ROBO2: variants seen among roughly 807,000 people sequenced by gnomAD.
ROBO2 encodes the protein roundabout guidance receptor 2.
In ROBO2, 53 loss-of-function variants were observed where a neutral mutation model predicts 160.8. That is an observed-to-expected ratio of 0.33 (90% CI 0.26 to 0.41). The LOEUF is 0.41. ROBO2 is among the 10% of genes least tolerant of loss of function. The pLI is 1.00. For synonymous variants in ROBO2, 664 were observed against 611.7 expected (o/e 1.09, Z -1.26); for missense variants, 1,577 against 1,722.4 (o/e 0.92, Z 1.49).
chr3:77,587,055 A>G (rs2094070047), intron 16 of ROBO2, among the ~76,000 whole-genome samples: 1 of 152,072 alleles, frequency 6.6e-6, no homozygotes, highest in Non-Finnish European at 1.5e-5. Context: ...TTAACAAAAT[A>G]AAATTTTATT....
At chr3:76,834,678 T>C (rs1280868280) in intron 2 of ROBO2, among the ~76,000 whole-genome samples, 2 of 152,158 alleles carry the variant, frequency 1.3e-5, no homozygotes, top group Non-Finnish European at 2.9e-5. Context: ...ATTTTTAAAT[T>C]TTTTTGTAGA....
intron 2 of ROBO2, among the ~76,000 whole-genome samples, chr3:76,129,369 A>G (rs952373668): frequency 1.3e-5 from 2 of 152,172 alleles, no homozygotes; most frequent in African/African-American, 2.4e-5. Context: ...CATACTCAAA[A>G]TAAATGTGTT....
intron 2 of ROBO2, among the ~76,000 whole-genome samples, chr3:76,460,400 G>A (rs1163081265): frequency 2.0e-5 from 3 of 152,158 alleles, no homozygotes; most frequent in Non-Finnish European, 2.9e-5. Context: ...TGGAGGCTGG[G>A]CATGGTGACT....
chr3:76,238,253 T>C (rs796982982), intron 2 of ROBO2, among the ~76,000 whole-genome samples: 3 of 152,232 alleles, frequency 2.0e-5, no homozygotes, highest in African/African-American at 7.2e-5. Context: ...TTTAATTGAC[T>C]CACAGTTGAC....
At chr3:77,025,006 G>T (rs1043629852) in intron 2 of ROBO2, among the ~76,000 whole-genome samples, 8 of 150,982 alleles carry the variant, frequency 5.3e-5, no homozygotes, top group Non-Finnish European at 1.0e-4. Flanking sequence ...AGGACAGAAG[G>T]TCTGTTCTTT....
chr3:77,193,103 A>G lies in ROBO2; in HGVS notation c.388+94763A>G, dbSNP rs760649588. Among the ~76,000 whole-genome samples the G allele has an allele frequency of 8.5e-5, 13 of 152,116 alleles. 1 individual carries two copies. In the South Asian group the frequency reaches 2.7e-3, roughly 31 times the overall value. ...TATATATTTAGTTTTTTAATGTGGT[A>G]GGAAAATCAAAGCCAGAGGGAGTAG... On this transcript the variant is annotated intron_variant, in intron 2 of 25. Coordinates refer to ENST00000461745, the Ensembl canonical transcript of ROBO2.
At chr3:77,056,456 GT>G (rs201837028) in intron 1 of ROBO2, among the ~76,000 whole-genome samples, 3 of 151,732 alleles carry the variant, frequency 2.0e-5, no homozygotes, top group African/African-American at 7.3e-5. Context: ...TTCATGCAGT[GT>G]TTTTTTTACT....
intron 2 of ROBO2, among the ~76,000 whole-genome samples, chr3:77,187,961 C>T (rs764438817): frequency 1.5e-4 from 23 of 151,650 alleles, no homozygotes; most frequent in South Asian, 4.2e-4. Context: ...TCTAAATGTA[C>T]GCTATAAATA....
At chr3:77,334,691 C>G (rs1298206189) in intron 2 of ROBO2, among the ~76,000 whole-genome samples, 1 of 151,912 alleles carries the variant, frequency 6.6e-6, no homozygotes, top group Non-Finnish European at 1.5e-5. Context: ...CAGATACTTT[C>G]AAGACTGACA....
At chr3:77,387,864 G>A (rs2074297539) in intron 2 of ROBO2, among the ~76,000 whole-genome samples, 1 of 151,982 alleles carries the variant, frequency 6.6e-6, no homozygotes, top group African/African-American at 2.4e-5. Flanking sequence ...CAGTAATGTG[G>A]CCATACCATT....
chr3:77,113,524 A>G (rs1440834857), intron 2 of ROBO2, among the ~76,000 whole-genome samples: 1 of 152,210 alleles, frequency 6.6e-6, no homozygotes, highest in Non-Finnish European at 1.5e-5. Context: ...CTTTCCTGAC[A>G]CATTATAAGG....
At chr3:77,476,371 T>A (rs887806001) in intron 2 of ROBO2, among the ~76,000 whole-genome samples, 3 of 26,658 alleles carry the variant, frequency 1.1e-4, no homozygotes, top group Non-Finnish European at 2.1e-4. Context: ...TGTGGGTATG[T>A]GTGTGTGTGT....
chr3:77,462,864 T>C (rs550229197), intron 2 of ROBO2, among the ~76,000 whole-genome samples: 13 of 152,320 alleles, frequency 8.5e-5, no homozygotes, highest in African/African-American at 3.1e-4. Context: ...ATGTTTCTTT[T>C]CCTTTTCTAA....
At chr3:76,764,860 A>G (rs1576491271) in intron 2 of ROBO2, among the ~76,000 whole-genome samples, 1 of 151,622 alleles carries the variant, frequency 6.6e-6, no homozygotes, top group Non-Finnish European at 1.5e-5. Context: ...CTATGCATAT[A>G]TATTTTGCCT....
At chr3:77,600,671 A>G (rs1423679316) in intron 19 of ROBO2, among the ~76,000 whole-genome samples, 1 of 152,212 alleles carries the variant, frequency 6.6e-6, no homozygotes, top group Non-Finnish European at 1.5e-5. Flanking sequence ...TAGAAGCGGC[A>G]GAAACAAAAG....
chr3:76,110,858 TA>T (rs1272277933), intron 2 of ROBO2, among the ~76,000 whole-genome samples: 1 of 152,144 alleles, frequency 6.6e-6, no homozygotes, highest in Non-Finnish European at 1.5e-5. Flanking sequence ...ATCATAAAAA[TA>T]CTGTGCTTAA....
intron 16 of ROBO2, among the ~76,000 whole-genome samples, chr3:77,583,136 C>T (rs1168612401): frequency 9.9e-5 from 12 of 121,562 alleles, no homozygotes; most frequent in African/African-American, 2.6e-4. Flanking sequence ...GGTCACTGAG[C>T]GAGACTCTGT....
intron 2 of ROBO2, among the ~76,000 whole-genome samples, chr3:77,297,247 C>T (rs778480811): frequency 2.0e-5 from 3 of 152,022 alleles, no homozygotes; most frequent in Non-Finnish European, 2.9e-5. Flanking sequence ...TGTTCAGGCT[C>T]AAGTTAGTCA....
chr3:76,579,573 GAGAA>G (rs1258322970), intron 2 of ROBO2, among the ~76,000 whole-genome samples: 2 of 151,976 alleles, frequency 1.3e-5, no homozygotes, highest in African/African-American at 4.8e-5. Context: ...AATATTACCT[GAGAA>G]AGAGTGAGAT....
Sources: gnomAD v4.1 joint callset for allele counts (sites outside exome capture counted in the v4.1 genomes callset) on GRCh38, gnomAD v4.1.1 for gene constraint, MANE v1.5 for transcripts, NCBI Gene and HGNC (gene_info 2026-07-23, HGNC 2026-07-21) for gene names.